The following BCAR3 variants were observed in gnomAD, a reference collection of about 807,000 sequenced individuals.
The protein encoded by BCAR3 is breast cancer anti-estrogen resistance protein 3.
In BCAR3, 37 loss-of-function variants were observed where a neutral mutation model predicts 80.1. The ratio of observed to expected loss-of-function variants is 0.46; its 90% CI spans 0.36 to 0.61. The LOEUF (loss-of-function observed/expected upper bound fraction) is 0.61, where lower values mean the gene tolerates loss of function less well. Ranked by LOEUF, BCAR3 falls within the 20% of genes least tolerant of loss-of-function variation. The pLI is 0.00. For synonymous variants in BCAR3, 389 were observed against 418.9 expected (o/e 0.93, Z 0.87); for missense variants, 978 against 1,068.2 (o/e 0.92, Z 1.18).
chr1:93,712,434 A>G (rs1650054605), intron 2 of BCAR3, among the ~76,000 whole-genome samples: 1 of 152,170 alleles, frequency 6.6e-6, no homozygotes, highest in Admixed American at 6.5e-5. Context: ...AATCCAGAGG[A>G]CGTTCACCTC....
chr1:93,833,342 A>G (rs1272248999), intron 2 of BCAR3, among the ~76,000 whole-genome samples: 1 of 152,202 alleles, frequency 6.6e-6, no homozygotes, highest in East Asian at 1.9e-4. Context: ...CAAAATTAGA[A>G]TCACTAATGA....
intron 8 of BCAR3, among the ~76,000 whole-genome samples, 160 bp from the exon 9 acceptor site, chr1:93,572,001 C>T (rs1038856314): frequency 6.6e-6 from 1 of 152,196 alleles, no homozygotes; most frequent in Non-Finnish European, 1.5e-5. Flanking sequence ...ACAGAGAGAA[C>T]GCCCCTTAGC....
At chr1:93,816,972 C>T (rs1654043042) in intron 2 of BCAR3, among the ~76,000 whole-genome samples, 1 of 152,108 alleles carries the variant, frequency 6.6e-6, no homozygotes, top group Admixed American at 6.5e-5. Context: ...TAAACCACCA[C>T]CCCCTCAAAA....
In BCAR3 at chr1:93,592,454, G is replaced by A; in HGVS notation, c.358-61C>T. On this transcript the variant is annotated intron_variant, in intron 3 of 11. Coordinates refer to ENST00000260502, the MANE Select transcript of BCAR3 (RefSeq NM_003567.4). The surrounding 1 kb of genome is among the most constrained non-coding windows in gnomAD (Gnocchi z 4.8). ...CAGGCCACACCAGGCCATGCCAGCT[G>A]GAGGTGACCGCCTGCTTCACTAATC... 1 of 1,516,694 alleles carries A rather than the reference G, an allele frequency of 6.6e-7. No homozygotes were observed. The highest frequency in any genetic ancestry group is 2.3e-5 in the East Asian group (1 of 43,002). The allele number at this position is 1,516,694 out of a possible 1,614,324, so 94.0% of individuals were successfully genotyped here.
chr1:93,717,448 G>A (rs1203424448), intron 2 of BCAR3, among the ~76,000 whole-genome samples: 1 of 152,222 alleles, frequency 6.6e-6, no homozygotes, highest in Admixed American at 6.5e-5. Flanking sequence ...TAAGAGGCTG[G>A]GCGCAGTGGC....
At chr1:93,633,220 T>A (rs1268814726) in intron 3 of BCAR3, among the ~76,000 whole-genome samples, 2 of 152,170 alleles carry the variant, frequency 1.3e-5, no homozygotes, top group East Asian at 3.9e-4. Context: ...TACTGGCTTC[T>A]GGCACAATGC....
Position 93,845,502 on chromosome 1 carries a change from A to ATATATATATCAATATCATGTTGTCAAG in BCAR3, c.-63+64_-63+65insCTTGACAACATGATATTGATATATATA. The stretch of plus-strand genomic sequence containing the variant: ...TATATATATATATATATATATATAT[A>ATATATATATCAATATCATGTTGTCAAG]AAACTTTGTTTACATTAGAGTATAA... On this transcript the variant is annotated intron_variant, in intron 2 of 13. Coordinates refer to the BCAR3 transcript ENST00000370244. 5 of 113,822 alleles carry ATATATATATCAATATCATGTTGTCAAG rather than the reference A, an allele frequency of 4.4e-5. 1 individual carries two copies. The highest frequency in any genetic ancestry group is 1.8e-4 in the African/African-American group (5 of 28,374). The allele number at this position is 113,822 out of a possible 1,614,324, so 7.1% of individuals were successfully genotyped here. A position where few individuals can be genotyped will look rare whatever the true frequency, so the allele number is the denominator to read the frequency against.
At position 93,611,216 on chromosome 1, in the gene BCAR3, C is replaced by G. The variant is rs553077512; in HGVS notation, c.358-18823G>C. Reference sequence around the variant, plus strand: ...AAATGTAATGAAGTGATATTATGACCTAATAATATCCTTGTGGTAAGTCTT... The same window carrying G: ...AAATGTAATGAAGTGATATTATGACGTAATAATATCCTTGTGGTAAGTCTT... On this transcript the variant is annotated intron_variant, in intron 3 of 11. Transcript: ENST00000260502. 2.0e-5 allele frequency among the ~76,000 whole-genome samples: 3 copies of G among 152,236 alleles called. 1 individual carries two copies. In the South Asian group the frequency reaches 6.2e-4, roughly 32 times the overall value.
At chr1:93,682,700 G>A (rs1182519336), upstream of BCAR3, among the ~76,000 whole-genome samples, 4 of 152,158 alleles carry the variant, frequency 2.6e-5, no homozygotes, top group African/African-American at 9.7e-5. Context: ...GATTACAGGC[G>A]CACGCCACTA....
intron 2 of BCAR3, among the ~76,000 whole-genome samples, chr1:93,761,309 A>C (rs750735462): frequency 1.1e-4 from 16 of 152,194 alleles, no homozygotes; most frequent in Non-Finnish European, 1.9e-4. Flanking sequence ...AGTTGGAACC[A>C]GTGAACACAA....
intron 2 of BCAR3, among the ~76,000 whole-genome samples, chr1:93,718,700 T>C (rs1650277613): frequency 8.8e-6 from 1 of 113,306 alleles, no homozygotes; most frequent in South Asian, 2.9e-4. Flanking sequence ...TTTTTTTTTT[T>C]TTTTTTTTTT....
At chr1:93,685,654 A>C (rs1354989370), upstream of BCAR3, among the ~76,000 whole-genome samples, 2 of 152,204 alleles carry the variant, frequency 1.3e-5, no homozygotes, top group Non-Finnish European at 2.9e-5. Flanking sequence ...CCAGAGGTAA[A>C]ATTGCTGAGT....
intron 3 of BCAR3, among the ~76,000 whole-genome samples, chr1:93,697,745 C>T (rs1019236515): frequency 1.3e-5 from 2 of 152,004 alleles, no homozygotes; most frequent in African/African-American, 4.8e-5. Context: ...TTTGGGAGGC[C>T]GAGACGACGG....
chr1:93,762,231 A>G (rs1005305475), intron 2 of BCAR3, among the ~76,000 whole-genome samples: 1 of 152,204 alleles, frequency 6.6e-6, no homozygotes, highest in Admixed American at 6.5e-5. Flanking sequence ...CACTTTCATG[A>G]TGCACAGTTA....
At chr1:93,729,057 C>T (rs1469647349) in intron 2 of BCAR3, among the ~76,000 whole-genome samples, 5 of 152,156 alleles carry the variant, frequency 3.3e-5, no homozygotes, top group Non-Finnish European at 5.9e-5. Flanking sequence ...CATGGTATAT[C>T]TGCTGTACAC....
chr1:93,562,974 A>C (rs1672764490), intron 11 of BCAR3, among the ~76,000 whole-genome samples: 1 of 152,064 alleles, frequency 6.6e-6, no homozygotes, highest in Non-Finnish European at 1.5e-5. Context: ...AAAACAATAG[A>C]GTGAAATTGG....
chr1:93,612,272 G>A (rs570693860), intron 3 of BCAR3, among the ~76,000 whole-genome samples: 8 of 152,178 alleles, frequency 5.3e-5, no homozygotes, highest in Non-Finnish European at 8.8e-5. Flanking sequence ...TGAAGACTTC[G>A]ACAAACTGGG....
At chr1:93,819,381 C>A (rs531810381) in intron 2 of BCAR3, among the ~76,000 whole-genome samples, 3 of 152,284 alleles carry the variant, frequency 2.0e-5, no homozygotes, top group African/African-American at 4.8e-5. Flanking sequence ...CCATTTTAAA[C>A]TGACTTTGCT....
chr1:93,625,393 A>C (rs1675427051), intron 3 of BCAR3, among the ~76,000 whole-genome samples: 2 of 152,186 alleles, frequency 1.3e-5, no homozygotes, highest in African/African-American at 2.4e-5. Flanking sequence ...AGAGACCATG[A>C]GGAGACAGAC....
Sources: allele counts gnomAD v4.1 joint callset (sites outside exome capture counted in the v4.1 genomes callset), GRCh38; gene constraint gnomAD v4.1.1; non-coding constraint Gnocchi (gnomAD v3.1); transcripts MANE v1.5; gene names NCBI Gene and HGNC (gene_info 2026-07-23, HGNC 2026-07-21).